Variants in GLRA1 observed in about 807,000 individuals in gnomAD.
The protein encoded by GLRA1 is glycine receptor alpha 1, also known as glycine receptor subunit alpha-1.
A neutral mutation model predicts 48.3 loss-of-function variants in GLRA1; 37 were observed. The observed-to-expected ratio is 0.77, with a 90% CI of 0.59 to 1.01. The LOEUF (loss-of-function observed/expected upper bound fraction) is 1.01, where lower values mean the gene tolerates loss of function less well. Among genes scored for constraint, GLRA1 ranks in the 50% least tolerant of loss-of-function variants. The pLI, the probability that GLRA1 is intolerant of heterozygous loss-of-function variation, is 0.00. For synonymous variants in GLRA1, 196 were observed against 210.7 expected (o/e 0.93, Z 0.60); for missense variants, 427 against 571.0 (o/e 0.75, Z 2.57).
rs1213255249 is a variant in GLRA1 at position 151,849,158 on chromosome 5, TTTTCTTTTC to T, written c.912+2223_912+2231del. ...TTTCTTTCTTTCTTTCTTTCTTTTC[TTTTCTTTTC>T]TTTCTTTCTTTCTTTCTTTCTTTTC... is the stretch of plus-strand genomic sequence containing the variant. On this transcript the variant is annotated intron_variant, in intron 7 of 8. Transcript: ENST00000274576. 11 of 126,328 alleles carry T rather than the reference TTTTCTTTTC, an allele frequency of 8.7e-5. 1 individual carries two copies. The highest frequency in any genetic ancestry group is 4.4e-4 in the East Asian group (3 of 6,828). 7.8% of individuals were successfully genotyped at this position (126,328 alleles called of 1,614,324 possible). A position where few individuals can be genotyped will look rare whatever the true frequency, so the allele number is the denominator to read the frequency against.
intron 3 of GLRA1, among the ~76,000 whole-genome samples, chr5:151,879,865 A>G (rs1482862796): frequency 6.6e-6 from 1 of 152,172 alleles, no homozygotes; most frequent in Non-Finnish European, 1.5e-5. Flanking sequence ...CCCCACTGAA[A>G]TCTCATCTTG....
intron 7 of GLRA1, among the ~76,000 whole-genome samples, chr5:151,845,746 C>T (rs1368396602): frequency 1.3e-5 from 2 of 152,148 alleles, no homozygotes; most frequent in Admixed American, 1.3e-4. Context: ...AACATGTCCA[C>T]ACAAAAACTT....
chr5:151,898,084 C>G (rs1356367761), intron 1 of GLRA1, among the ~76,000 whole-genome samples: 1 of 152,140 alleles, frequency 6.6e-6, no homozygotes, highest in Non-Finnish European at 1.5e-5. Flanking sequence ...GAAGTAGGGG[C>G]TGTGTGACCT....
intron 7 of GLRA1, among the ~76,000 whole-genome samples, chr5:151,829,458 T>C (rs1763368939): frequency 6.6e-6 from 1 of 152,158 alleles, no homozygotes; most frequent in Admixed American, 6.5e-5. Flanking sequence ...AAAAAATTAA[T>C]GAGAACACTG....
intron 3 of GLRA1, chr5:151,875,647 G>A (rs1429467780): frequency 6.6e-6 from 1 of 152,262 alleles, no homozygotes; most frequent in Non-Finnish European, 1.5e-5. Context: ...CTTAGCTTCA[G>A]AGATTAGACG....
intron 3 of GLRA1, among the ~76,000 whole-genome samples, chr5:151,869,294 C>T (rs1425197690): frequency 2.6e-5 from 4 of 151,506 alleles, no homozygotes; most frequent in Non-Finnish European, 4.4e-5. Context: ...AGTAGAGACA[C>T]GGTTTCACCA....
intron 3 of GLRA1, among the ~76,000 whole-genome samples, chr5:151,870,220 G>T (rs1048947484): frequency 6.7e-6 from 1 of 149,400 alleles, no homozygotes; most frequent in Non-Finnish European, 1.5e-5. Flanking sequence ...AGTATCAGGC[G>T]AAGAATTTTG....
intron 1 of GLRA1, among the ~76,000 whole-genome samples, chr5:151,895,143 C>T (rs1754198488): frequency 6.6e-6 from 1 of 152,026 alleles, no homozygotes; most frequent in Non-Finnish European, 1.5e-5. Context: ...TTTGCAGATG[C>T]ATAGTGAATT....
intron 1 of GLRA1, among the ~76,000 whole-genome samples, chr5:151,901,515 G>A (rs1754368165): frequency 6.6e-6 from 1 of 152,156 alleles, no homozygotes; most frequent in African/African-American, 2.4e-5. Flanking sequence ...CCCACGAGTT[G>A]GACAGAAGAG....
At position 151,822,573 on chromosome 5, in the gene GLRA1, G is replaced by A. The variant is rs184946186; in HGVS notation, c.*100C>T. On this transcript the variant is annotated 3_prime_UTR_variant, in exon 9 of 9. Coordinates refer to ENST00000274576, the MANE Select transcript of GLRA1 (RefSeq NM_000171.4). The stretch of plus-strand genomic sequence containing the variant: ...ATATTGCAGAGAGAGTTGTGTAAGT[G>A]TGCCCCCTCCCTCCGTTCCCCTTCT... The A allele has an allele frequency of 1.3e-4, 110 of 826,696 alleles. No homozygotes were observed. In the Admixed American group the frequency reaches 2.0e-3, roughly 15 times the overall value. The allele number at this position is 826,696 out of a possible 1,614,324, so 51.2% of individuals were successfully genotyped here.
At chr5:151,860,992 T>C (rs1482728346) in intron 3 of GLRA1, among the ~76,000 whole-genome samples, 2 of 152,222 alleles carry the variant, frequency 1.3e-5, no homozygotes, top group Non-Finnish European at 2.9e-5. Flanking sequence ...TTTTTTGTCC[T>C]TGCAATAGTT....
At chr5:151,906,914 C>G (rs10071057) in intron 1 of GLRA1, among the ~76,000 whole-genome samples, 2,730 of 152,270 alleles carry the variant, frequency 0.018, 65 homozygotes, top group African/African-American at 0.063. Context: ...AGCAAGATGG[C>G]TGCCTGATAC....
intron 1 of GLRA1, among the ~76,000 whole-genome samples, chr5:151,905,216 A>G (rs892244782): frequency 6.6e-6 from 1 of 152,174 alleles, no homozygotes; most frequent in African/African-American, 2.4e-5. Context: ...GGAAAATACA[A>G]TGAGGTTCAA....
chr5:151,896,020 G>C (rs901141517), intron 1 of GLRA1, among the ~76,000 whole-genome samples: 16 of 152,162 alleles, frequency 1.1e-4, no homozygotes, highest in African/African-American at 3.9e-4. Context: ...GAGCACAAGC[G>C]ATCTCTTCGC....
intron 1 of GLRA1, among the ~76,000 whole-genome samples, chr5:151,903,158 T>C (rs967655178): frequency 3.3e-5 from 5 of 152,176 alleles, no homozygotes; most frequent in Non-Finnish European, 5.9e-5. Context: ...AGAGTTTTCA[T>C]AGGAGTGGAG....
chr5:151,895,037 G>A (rs1231023023), intron 1 of GLRA1, among the ~76,000 whole-genome samples: 1 of 152,134 alleles, frequency 6.6e-6, no homozygotes, highest in Non-Finnish European at 1.5e-5. Flanking sequence ...TGTGTGATGT[G>A]GGTGGGTTTC....
chr5:151,891,280 G>A (rs1194052567), intron 2 of GLRA1, among the ~76,000 whole-genome samples: 4 of 152,188 alleles, frequency 2.6e-5, no homozygotes, highest in African/African-American at 7.2e-5. Flanking sequence ...CTCCTGAGGC[G>A]TCAGTAAACA....
chr5:151,862,818 C>G (rs1216796905), intron 3 of GLRA1, among the ~76,000 whole-genome samples: 3 of 152,154 alleles, frequency 2.0e-5, no homozygotes, highest in Non-Finnish European at 4.4e-5. Flanking sequence ...AATAGCTGTT[C>G]TAGTCAAAAC....
chr5:151,876,615 C>T (rs1753635189), intron 3 of GLRA1, among the ~76,000 whole-genome samples: 1 of 152,116 alleles, frequency 6.6e-6, no homozygotes, highest in East Asian at 1.9e-4. Flanking sequence ...CAGAGACCTC[C>T]TACTCACTGA....
Sources: allele counts gnomAD v4.1 joint callset (sites outside exome capture counted in the v4.1 genomes callset), GRCh38; gene constraint gnomAD v4.1.1; transcripts MANE v1.5; gene names NCBI Gene and HGNC (gene_info 2026-07-23, HGNC 2026-07-21).